MACF1: variants seen among roughly 807,000 people sequenced by gnomAD.
The protein encoded by MACF1 is microtubule-actin cross-linking factor 1.
Under a neutral mutation model 854.8 loss-of-function variants are expected in MACF1, and 193 were observed. The observed-to-expected ratio is 0.23, with a 90% CI of 0.20 to 0.25. The LOEUF is 0.25. Among genes scored for constraint, MACF1 ranks in the 10% least tolerant of loss-of-function variants. MACF1 has a pLI of 1.00. For synonymous variants in MACF1, 3,185 were observed against 3,226.7 expected (o/e 0.99, Z 0.44); for missense variants, 7,722 against 8,929.1 (o/e 0.86, Z 5.45).
rs1365454515 is a variant in MACF1 at position 39,357,848 on chromosome 1, C to G, written c.11898C>G (p.Asp3966Glu). The change falls in exon 45 of 101, where the codon GAC (aspartate) becomes GAG (glutamate). Residue 3966 changes from aspartate to glutamate, a missense_variant. Asp to Glu is a conservative substitution (Grantham distance 45). Coordinates refer to ENST00000564288, the MANE Select transcript of MACF1 (RefSeq NM_001394062.1). ...CAGAAATTGGAAACTTAGTAAAGGA[C>G]AAGTTGAAGGATGCAACAGAAAGAT... ...EPSEIGNLVKDKLKDATERYT... is the reference protein window; with the variant it reads ...EPSEIGNLVKEKLKDATERYT... 6 of 1,613,858 alleles carry G rather than the reference C, an allele frequency of 3.7e-6. No homozygotes were observed. Among genetic ancestry groups the G allele is most frequent in the African/African-American group, 1.3e-5 (1 of 74,890 alleles).
chr1:39,336,786 T>A (rs1053157414), intron 37 of MACF1, 133 bp downstream of exon 37: 4 of 859,790 alleles, frequency 4.7e-6, no homozygotes, highest in Non-Finnish European at 6.7e-6. Flanking sequence ...GATGATTCTC[T>A]AAGATATAAC....
intron 2 of MACF1, among the ~76,000 whole-genome samples, chr1:39,143,388 G>A (rs1643390372): frequency 6.6e-6 from 1 of 152,158 alleles, no homozygotes; most frequent in Non-Finnish European, 1.5e-5. Context: ...GAGAGGATTG[G>A]AATCTCTTTT....
rs1315820865 is a variant in MACF1 at position 39,385,445 on chromosome 1, G to A, written c.13860G>A (p.Lys4620=). The change falls in exon 57 of 101, where the codon AAG becomes AAA. Residue 4620 remains lysine, a synonymous_variant. Transcript: ENST00000564288. ...CATTTCTATTTCAGTTTATGCTAAAGGAATTTGAAGCACGCAGGCAACAGC... is the reference window on the plus strand; with the variant it reads ...CATTTCTATTTCAGTTTATGCTAAAAGAATTTGAAGCACGCAGGCAACAGC... ...AQKQQVQFML[K]EFEARRQQHE... is the part of the protein sequence containing the mutation. The A allele has an allele frequency of 1.2e-6, 2 of 1,613,664 alleles. No homozygotes were observed.
intron 2 of MACF1, among the ~76,000 whole-genome samples, chr1:39,162,670 T>C (rs1057094512): frequency 6.6e-6 from 1 of 152,196 alleles, no homozygotes; most frequent in Non-Finnish European, 1.5e-5. Flanking sequence ...TTCTATAACT[T>C]TCATAGGCTT....
At chr1:39,221,483 C>T (rs1397691836) in intron 1 of MACF1, among the ~76,000 whole-genome samples, 1 of 152,170 alleles carries the variant, frequency 6.6e-6, no homozygotes, top group African/African-American at 2.4e-5. Context: ...GAAGATCCTC[C>T]TAACACCTCA....
chr1:39,453,684 G>C, intron 87 of MACF1, 23 bp from the exon 88 acceptor site: 1 of 1,612,266 alleles, frequency 6.2e-7, no homozygotes, highest in Non-Finnish European at 8.5e-7. Flanking sequence ...TTACGTTTTT[G>C]TTTTCAAATC....
At chr1:39,401,526 G>T (rs957211854) in intron 58 of MACF1, among the ~76,000 whole-genome samples, 1 of 152,198 alleles carries the variant, frequency 6.6e-6, no homozygotes, top group African/African-American at 2.4e-5. Context: ...TAATTCATCT[G>T]TCTGCCAATC....
intron 2 of MACF1, among the ~76,000 whole-genome samples, chr1:39,134,908 A>C (rs114062329): frequency 1.6e-4 from 25 of 152,306 alleles, no homozygotes; most frequent in African/African-American, 6.0e-4. Context: ...TCATCTTCTC[A>C]AACTAAAATT....
At chr1:39,355,665 C>T (rs1160530310) in intron 44 of MACF1, among the ~76,000 whole-genome samples, 1 of 152,000 alleles carries the variant, frequency 6.6e-6, no homozygotes, top group Non-Finnish European at 1.5e-5. Flanking sequence ...GGGGTTTCAC[C>T]ATGTTGGCCA....
At chr1:39,295,388 T>C (rs910455696) in intron 19 of MACF1, among the ~76,000 whole-genome samples, 2 of 152,208 alleles carry the variant, frequency 1.3e-5, no homozygotes, top group African/African-American at 4.8e-5. Flanking sequence ...GCTCACAGCT[T>C]TCAGAGGAAA....
At chr1:39,279,743 A>G (rs1399103344) in intron 6 of MACF1, among the ~76,000 whole-genome samples, 1 of 152,208 alleles carries the variant, frequency 6.6e-6, no homozygotes, top group Non-Finnish European at 1.5e-5. Context: ...TATTTTAAAT[A>G]TGGGGAAAAT....
At chr1:39,479,478 G>A (rs779696890) in intron 97 of MACF1, among the ~76,000 whole-genome samples, 32 of 152,160 alleles carry the variant, frequency 2.1e-4, no homozygotes, top group Admixed American at 1.2e-3. Flanking sequence ...AGAGGTTTAC[G>A]AACTGTTGCA....
At chr1:39,385,997 A>C in intron 57 of MACF1, 68 bp downstream of exon 57, 3 of 1,484,368 alleles carry the variant, frequency 2.0e-6, no homozygotes, top group Non-Finnish European at 2.7e-6. Flanking sequence ...ATGGGTTAGG[A>C]GTAGTCCCAA....
intron 49 of MACF1, among the ~76,000 whole-genome samples, chr1:39,362,020 C>T (rs1648226979): frequency 6.6e-6 from 1 of 152,138 alleles, no homozygotes. Context: ...TATTTATTTA[C>T]ATTTTATTAG....
intron 93 of MACF1, among the ~76,000 whole-genome samples, chr1:39,463,313 C>G (rs974397401): frequency 1.3e-5 from 2 of 151,972 alleles, no homozygotes; most frequent in Admixed American, 6.6e-5. Flanking sequence ...ATGAAGAAAC[C>G]CCATCTCTAC....
At chr1:39,310,542 G>A in intron 25 of MACF1, 114 bp downstream of exon 25, 1 of 1,147,560 alleles carries the variant, frequency 8.7e-7, no homozygotes, top group East Asian at 2.5e-5. Context: ...TTCCATTTGA[G>A]TAGCTACGAA....
In MACF1 at chr1:39,441,235, T is replaced by C. The variant is rs188613265; in HGVS notation, c.18582T>C (p.Ala6194=). The change falls in exon 74 of 101, where the codon GCT becomes GCC. Residue 6194 remains alanine, a synonymous_variant. Coordinates refer to ENST00000564288, the MANE Select transcript of MACF1 (RefSeq NM_001394062.1). ...VRKSIDEMNN[A]WENLNKTWKE... ...TGTTTTTCCCCTAGATGAATAATGCTTGGGAGAACTTAAACAAAACATGGA... is the reference window on the plus strand; with the variant it reads ...TGTTTTTCCCCTAGATGAATAATGCCTGGGAGAACTTAAACAAAACATGGA... 4.3e-6 allele frequency: 7 copies of C among 1,614,110 alleles called. No homozygotes were observed. The highest frequency in any genetic ancestry group is 2.2e-5 in the East Asian group (1 of 44,888).
intron 3 of MACF1, among the ~76,000 whole-genome samples, chr1:39,250,411 G>A (rs1417336715): frequency 6.6e-6 from 1 of 152,080 alleles, no homozygotes; most frequent in Non-Finnish European, 1.5e-5. Flanking sequence ...TTCAGAAACA[G>A]TAGATTCATG....
At chr1:39,116,904 A>T (rs1485650794) in intron 2 of MACF1, among the ~76,000 whole-genome samples, 3 of 152,130 alleles carry the variant, frequency 2.0e-5, no homozygotes, top group African/African-American at 7.2e-5. Flanking sequence ...ATTAGTCTTA[A>T]CAGGTTAGCT....
Sources: allele counts gnomAD v4.1 joint callset (sites outside exome capture counted in the v4.1 genomes callset), GRCh38; gene constraint gnomAD v4.1.1; transcripts MANE v1.5; gene names NCBI Gene and HGNC (gene_info 2026-07-23, HGNC 2026-07-21).